The following DNM2 variants were observed in gnomAD, a reference collection of about 807,000 sequenced individuals.
DNM2 encodes the protein dynamin 2, also known as dynamin-2.
A neutral mutation model predicts 99.0 loss-of-function variants in DNM2; 15 were observed. The ratio of observed to expected loss-of-function variants is 0.15; its 90% confidence interval spans 0.10 to 0.23. DNM2 has a LOEUF of 0.23. Among genes scored for constraint, DNM2 ranks in the 10% least tolerant of loss-of-function variants. The probability of loss-of-function intolerance (pLI) is 1.00; values close to 1 mark genes in which losing one functional copy is unlikely to be tolerated. For missense variants in DNM2, 742 were observed against 1,189.4 expected (o/e 0.62, Z 5.53); for synonymous variants, 525 against 481.2 (o/e 1.09, Z -1.19).
rs758152539 is a variant in DNM2, at chr19:10,830,934, C to T, written c.2544-44C>T. 6.3e-7 allele frequency: 1 copy of T among 1,587,156 alleles called. No individual in the cohort carries two copies. Among genetic ancestry groups the T allele is most frequent in the Non-Finnish European group, 8.6e-7 (1 of 1,165,634 alleles). ...CAGGCCTGCCTCTTGCTCCCGGCCT[C>T]ACTGCCGTCTCCCCCTCCCCACCTG... On this transcript the variant is annotated intron_variant, in intron 20 of 20. Transcript: ENST00000389253. This position sits in a 1 kb window ranked among gnomAD's most constrained non-coding sequence, Gnocchi z 4.8.
chr19:10,779,493 TCTTTC>T (rs2071273486), intron 5 of DNM2, among the ~76,000 whole-genome samples: 1 of 119,602 alleles, frequency 8.4e-6, no homozygotes, highest in African/African-American at 3.3e-5. Context: ...TTTCTTTCTT[TCTTTC>T]TTTCTTTTTT....
intron 1 of DNM2, among the ~76,000 whole-genome samples, chr19:10,727,666 G>A (rs1164539074): frequency 5.9e-5 from 9 of 152,162 alleles, no homozygotes; most frequent in African/African-American, 9.6e-5. Context: ...CACGGCACCC[G>A]GCCTAGGTTA....
chr19:10,822,924 G>A (rs1233781437), intron 16 of DNM2, among the ~76,000 whole-genome samples: 1 of 151,806 alleles, frequency 6.6e-6, no homozygotes, highest in Non-Finnish European at 1.5e-5. Flanking sequence ...GGCGAACACG[G>A]TGAAACCCCG....
chr19:10,728,365 G>A (rs1426556065), intron 1 of DNM2, among the ~76,000 whole-genome samples: 1 of 152,182 alleles, frequency 6.6e-6, no homozygotes, highest in African/African-American at 2.4e-5. Context: ...AGAGGAGTTG[G>A]AGCTTGAACT....
At chr19:10,731,585 C>A (rs143571309) in intron 1 of DNM2, among the ~76,000 whole-genome samples, 5,744 of 152,260 alleles carry the variant, frequency 0.038, 121 homozygotes, top group South Asian at 0.098. Context: ...AACTCCTGGC[C>A]TCAGGTGATC....
intron 15 of DNM2, among the ~76,000 whole-genome samples, chr19:10,814,764 C>T (rs755286760): frequency 7.2e-5 from 11 of 152,134 alleles, no homozygotes; most frequent in Non-Finnish European, 7.3e-5. Context: ...AACATAATGA[C>T]CTCCAGTTCC....
In DNM2 at chr19:10,772,764, C is replaced by A; in HGVS notation, c.385+136C>A. On this transcript the variant is annotated intron_variant, in intron 3 of 20. Coordinates refer to ENST00000389253, the MANE Select transcript of DNM2 (RefSeq NM_001005361.3). The surrounding 1 kb of genome is among the most constrained non-coding windows in gnomAD (Gnocchi z 4.9). ...ACAGTTGATATTCACACACACATAG[C>A]CCCTTGATCTGTATCTTCCCACTTG... 1 of 1,335,024 alleles carries A rather than the reference C, an allele frequency of 7.5e-7. No homozygotes were observed. The highest frequency in any genetic ancestry group is 1.0e-6 in the Non-Finnish European group (1 of 962,044). The allele number at this position is 1,335,024 out of a possible 1,614,324, so 82.7% of individuals were successfully genotyped here.
Position 10,812,473 on chromosome 19 carries a change from CACTCTGCCCTGAGTCACCATTAGG to C in DNM2, c.1671+100_1671+123del. On this transcript the variant is annotated intron_variant, in intron 15 of 20. Transcript: ENST00000389253. This position sits in a 1 kb window ranked among gnomAD's most constrained non-coding sequence, Gnocchi z 4.0. ...TCTGGGCAGAACTCAGTCACTGCGCCACTCTGCCCTGAGTCACCATTAGGACTGTAACTCGCCGGGCACGGTGGC... is the reference window on the plus strand; with the variant it reads ...TCTGGGCAGAACTCAGTCACTGCGCCACTGTAACTCGCCGGGCACGGTGGC... 1 of 1,018,796 alleles carries C rather than the reference CACTCTGCCCTGAGTCACCATTAGG, an allele frequency of 9.8e-7. No individual in the cohort carries two copies. The highest frequency in any genetic ancestry group is 1.5e-6 in the Non-Finnish European group (1 of 683,798). 63.1% of individuals were successfully genotyped at this position (1,018,796 alleles called of 1,614,324 possible). A position where few individuals can be genotyped will look rare whatever the true frequency, so the allele number is the denominator to read the frequency against.
At chr19:10,797,354 C>T (rs1434281183) in intron 9 of DNM2, 26 bp from the exon 10 acceptor site, 1 of 1,610,960 alleles carries the variant, frequency 6.2e-7, no homozygotes, top group South Asian at 1.1e-5. Context: ...GTCTTTCTGC[C>T]TCATCCTGCC....
Position 10,793,798 on chromosome 19 carries a change from C to T in DNM2, c.1071C>T (p.Ser357=), listed in dbSNP as rs779241319. Residue 357 remains serine, a synonymous_variant, in exon 8 of 21, where the codon TCC becomes TCT. Transcript: ENST00000389253. ...SGDQVDTLEL[S]GGARINRIFH... is the part of the protein sequence containing the mutation. ...ATCAGGTGGACACTCTGGAGCTCTC[C>T]GGGGGCGCCCGAATCAATCGCATCT... 8.7e-6 allele frequency: 14 copies of T among 1,613,986 alleles called. No individual in the cohort carries two copies. The highest frequency in any genetic ancestry group is 1.6e-4 in the Middle Eastern group (1 of 6,084).
intron 2 of DNM2, among the ~76,000 whole-genome samples, chr19:10,767,140 G>A (rs1362799503): frequency 2.6e-5 from 4 of 151,880 alleles, no homozygotes; most frequent in African/African-American, 7.3e-5. Context: ...GCTGGGCCTC[G>A]GCTGCTGCTG....
chr19:10,797,427 A>G lies in DNM2; in HGVS notation c.1244A>G (p.Lys415Arg), dbSNP rs908078828. ...ATGGCCTTTGAAGCCATTGTGAAAA[A>G]ACAGATTGTAAAACTCAAAGAGCCG... Reference protein sequence around the residue: ...PDMAFEAIVKKQIVKLKEPSL... With the variant: ...PDMAFEAIVKRQIVKLKEPSL... Residue 415 changes from lysine to arginine, a missense_variant, in exon 10 of 21, where the codon AAA becomes AGA. Lys to Arg is a conservative substitution (Grantham distance 26). Around this residue, in one of 7 missense-constraint regions of DNM2, gnomAD observed 240 missense variants for 431.3 expected, o/e 0.56. Transcript: ENST00000389253. 1 of 1,613,754 alleles carries G rather than the reference A, an allele frequency of 6.2e-7. No homozygotes were observed. Among genetic ancestry groups the G allele is most frequent in the African/African-American group, 1.3e-5 (1 of 74,840 alleles).
rs2073350632 is a variant in DNM2, at chr19:10,831,669, C to G, written c.*622C>G. On this transcript the variant is annotated 3_prime_UTR_variant, in exon 21 of 21. Transcript: ENST00000389253. The surrounding 1 kb of genome is among the most constrained non-coding windows in gnomAD (Gnocchi z 4.3). ...GGCCCGGGCCGGCCTTGCCCTATTC[C>G]TCTCCTCCTCCTCCTCCTGGGTCCC... The G allele has an allele frequency of 1.0e-6, 1 of 986,194 alleles. No individual in the cohort carries two copies. Among genetic ancestry groups the G allele is most frequent in the Non-Finnish European group, 1.2e-6 (1 of 830,332 alleles). The allele number at this position is 986,194 out of a possible 1,614,324, so 61.1% of individuals were successfully genotyped here. A position where few individuals can be genotyped will look rare whatever the true frequency, so the allele number is the denominator to read the frequency against.
chr19:10,818,444 CTG>C lies in DNM2; in HGVS notation c.1672-1535_1672-1534del, dbSNP rs1432321354. On this transcript the variant is annotated intron_variant, in intron 15 of 20. Coordinates refer to ENST00000389253, the MANE Select transcript of DNM2 (RefSeq NM_001005361.3). This position sits in a 1 kb window ranked among gnomAD's most constrained non-coding sequence, Gnocchi z 4.3. ...CATCCTCCTTGGATAGATGAGGAAA[CTG>C]AGATGAAATGGGAGGTGGCGGGGAA... Among the ~76,000 whole-genome samples, 2 of 152,226 alleles carry C rather than the reference CTG, an allele frequency of 1.3e-5. No homozygotes were observed. The highest frequency in any genetic ancestry group is 4.8e-5 in the African/African-American group (2 of 41,468).
At chr19:10,802,857 G>A (rs922574274) in intron 12 of DNM2, among the ~76,000 whole-genome samples, 20 of 152,198 alleles carry the variant, frequency 1.3e-4, no homozygotes, top group African/African-American at 4.8e-4. Context: ...GGCCCACATC[G>A]GGGAGCCCTG....
intron 5 of DNM2, among the ~76,000 whole-genome samples, chr19:10,778,123 C>T (rs2071219785): frequency 6.6e-6 from 1 of 151,638 alleles, no homozygotes; most frequent in African/African-American, 2.4e-5. Flanking sequence ...CAACCTCCAC[C>T]TCCCAGGTTC....
At chr19:10,825,302 AGG>A in intron 18 of DNM2, 81 bp downstream of exon 18, 1 of 1,582,842 alleles carries the variant, frequency 6.3e-7, no homozygotes, top group Admixed American at 1.7e-5. Flanking sequence ...TGGGAGGCCA[AGG>A]CGGGCGGATC....
intron 2 of DNM2, among the ~76,000 whole-genome samples, chr19:10,767,725 G>C (rs1287043799): frequency 6.6e-6 from 1 of 152,176 alleles, no homozygotes; most frequent in African/African-American, 2.4e-5. Context: ...GGCTAACATG[G>C]TGAAACCTCA....
In DNM2 at chr19:10,783,132, G is replaced by C; in HGVS notation, c.849+12G>C. On this transcript the variant is annotated intron_variant, in intron 6 of 20. Transcript: ENST00000389253. ...AGACGCTGAATCAGGTACTGCAAGG[G>C]TTTGCACGTAGTGTGCAGTGGCATA... The C allele has an allele frequency of 6.2e-7, 1 of 1,608,572 alleles. No homozygotes were observed. Among genetic ancestry groups the C allele is most frequent in the Non-Finnish European group, 8.5e-7 (1 of 1,180,004 alleles).
Sources: allele counts gnomAD v4.1 joint callset (sites outside exome capture counted in the v4.1 genomes callset), GRCh38; gene constraint gnomAD v4.1.1; regional missense constraint gnomAD v4.1.1; non-coding constraint Gnocchi (gnomAD v3.1); transcripts MANE v1.5; gene names NCBI Gene and HGNC (gene_info 2026-07-23, HGNC 2026-07-21).